The following RGPD3 variants were observed in gnomAD, a reference collection of about 807,000 sequenced individuals.
RGPD3 encodes RANBP2 like and GRIP domain containing 3, also known as ranBP2-like and GRIP domain-containing protein 3.
RGPD3 carries 62 observed loss-of-function variants against 154.5 expected under a neutral mutation model. The ratio of observed to expected loss-of-function variants is 0.40; its 90% CI spans 0.33 to 0.50. The LOEUF (loss-of-function observed/expected upper bound fraction) is 0.50. RGPD3 is among the 20% of genes least tolerant of loss of function. The probability of loss-of-function intolerance (pLI) is 0.59; values close to 1 mark genes in which losing one functional copy is unlikely to be tolerated. For synonymous variants in RGPD3, 308 were observed against 607.0 expected (o/e 0.51, Z 7.24); for missense variants, 919 against 1,716.8 (o/e 0.54, Z 8.21).
intron 22 of RGPD3, among the ~76,000 whole-genome samples, chr2:106,411,026 A>T (rs754788992): frequency 1.0e-4 from 15 of 150,502 alleles, no homozygotes; most frequent in South Asian, 2.1e-4. Flanking sequence ...ATTAAGCCTG[A>T]ATCTTATCAG....
Position 106,436,255 on chromosome 2 carries a change from T to C in RGPD3, c.1635-9A>G. 2 of 1,611,930 alleles carry C rather than the reference T, an allele frequency of 1.2e-6. No homozygotes were observed. The highest frequency in any genetic ancestry group is 1.3e-5 in the African/African-American group (1 of 74,956). ...TTGCTGAGTTTCCAGGTCTAAAAAA[T>C]AGTTCAATTTACTAAAATTGCTTTC... On this transcript the variant is annotated splice_polypyrimidine_tract_variant and intron_variant, in intron 11 of 22. Transcript: ENST00000409886.
intron 20 of RGPD3, among the ~76,000 whole-genome samples, chr2:106,420,637 T>C (rs1460276772): frequency 1.3e-5 from 2 of 152,290 alleles, no homozygotes; most frequent in Non-Finnish European, 2.9e-5. Flanking sequence ...TATCATTAAT[T>C]TTTATATTAA....
In RGPD3 at chr2:106,425,141, T is replaced by C. The variant is rs1677156349; in HGVS notation, c.2826A>G (p.Glu942=). The change falls in exon 20 of 23, where the codon GAA becomes GAG. Residue 942 remains glutamate, a synonymous_variant. Coordinates refer to ENST00000409886, the MANE Select transcript of RGPD3 (RefSeq NM_001144013.2). ...NQEKKSEKPL[E]NDTGLQAQDI... ...CCTGAGCCTGTAAGCCAGTATCATT[T>C]TCAAGAGGCTTTTCACTTTTCTTTT... 3 of 1,611,982 alleles carry C rather than the reference T, an allele frequency of 1.9e-6. No homozygotes were observed.
intron 22 of RGPD3, among the ~76,000 whole-genome samples, chr2:106,412,309 T>TG (rs1676697447): frequency 2.2e-5 from 2 of 90,176 alleles, no homozygotes; most frequent in Non-Finnish European, 4.5e-5. Flanking sequence ...TTTTTTTTTT[T>TG]TTTTTTTTTT....
At chr2:106,421,175 T>C (rs1189796503) in intron 20 of RGPD3, among the ~76,000 whole-genome samples, 10 of 152,146 alleles carry the variant, frequency 6.6e-5, no homozygotes, top group African/African-American at 2.4e-4. Flanking sequence ...ATAGCCTCTC[T>C]TGGCCTCAGT....
At chr2:106,448,378 G>C (rs62152513) in intron 6 of RGPD3, among the ~76,000 whole-genome samples, 1 of 150,016 alleles carries the variant, frequency 6.7e-6, no homozygotes, top group Admixed American at 6.7e-5. Flanking sequence ...CCAATGTGCC[G>C]GGATTACAGG....
upstream of RGPD3, chr2:106,470,689 A>G (rs10185203): frequency 6.5e-4 from 679 of 1,042,142 alleles, 2 homozygotes; most frequent in African/African-American, 8.7e-3. Flanking sequence ...GTTTGAAAAC[A>G]TTTATTCTGC....
intron 22 of RGPD3, among the ~76,000 whole-genome samples, chr2:106,409,928 T>C (rs892207166): frequency 6.9e-6 from 1 of 144,004 alleles, no homozygotes; most frequent in Non-Finnish European, 1.5e-5. Context: ...CAGGCTGGAG[T>C]GCAATGGCAC....
Position 106,436,184 on chromosome 2 carries a change from T to C in RGPD3, c.1697A>G (p.Gln566Arg), listed in dbSNP as rs1677545082. The change falls in exon 12 of 23, where the codon CAG becomes CGG. Residue 566 changes from glutamine (Q) to arginine (R), a missense_variant. Gln to Arg is a conservative substitution (Grantham distance 43). Transcript: ENST00000409886. ...VQHEINTLRAQEKHGLQPALL... is the reference protein window; with the variant it reads ...VQHEINTLRAREKHGLQPALL... ...AGCAGGTTGAAGGCCATGTTTTTCC[T>C]GGGCTCTTAGAGTGTTTATTTCATG... is the stretch of plus-strand genomic sequence containing the variant. 3 of 1,611,792 alleles carry C rather than the reference T, an allele frequency of 1.9e-6. No homozygotes were observed. Among genetic ancestry groups the C allele is most frequent in the Non-Finnish European group, 2.5e-6 (3 of 1,179,866 alleles).
Position 106,415,456 on chromosome 2 carries a change from T to A in RGPD3, c.5064+394A>T, listed in dbSNP as rs565099413. Among the ~76,000 whole-genome samples the A allele has an allele frequency of 5.9e-5, 9 of 152,150 alleles. No homozygotes were observed. The South Asian group carries it at 1.9e-3, about 32-fold the overall frequency. On this transcript the variant is annotated intron_variant, in intron 21 of 22. Coordinates refer to ENST00000409886, the MANE Select transcript of RGPD3 (RefSeq NM_001144013.2). ...ACTTTGGGAGGCCAAGGCAGGTGGA[T>A]CATGAGGTCAGGAGATCGAGACCAT...
chr2:106,418,472 C>T (rs1445546984), intron 20 of RGPD3, among the ~76,000 whole-genome samples: 1 of 152,070 alleles, frequency 6.6e-6, no homozygotes, highest in Non-Finnish European at 1.5e-5. Context: ...GCTGCTCACA[C>T]CTACAGTGCT....
At chr2:106,412,310 T>G (rs1404593611) in intron 22 of RGPD3, among the ~76,000 whole-genome samples, 2 of 93,090 alleles carry the variant, frequency 2.1e-5, no homozygotes, top group South Asian at 4.9e-4. Flanking sequence ...TTTTTTTTTT[T>G]TTTTTTTTTT....
chr2:106,438,401 T>G (rs1198611530), intron 9 of RGPD3, among the ~76,000 whole-genome samples: 18 of 150,040 alleles, frequency 1.2e-4, no homozygotes, highest in African/African-American at 3.9e-4. Context: ...GGCAAGAGAA[T>G]CCCTTGAGCC....
Position 106,424,021 on chromosome 2 carries a change from C to G in RGPD3, c.3946G>C (p.Val1316Leu), listed in dbSNP as rs756752769. The G allele has an allele frequency of 1.2e-6, 2 of 1,611,656 alleles. No homozygotes were observed. The highest frequency in any genetic ancestry group is 1.7e-6 in the Non-Finnish European group (2 of 1,179,854). Residue 1316 changes from valine to leucine, a missense_variant, in exon 20 of 23, where the codon GTT becomes CTT. Val to Leu is a conservative substitution (Grantham distance 32). Transcript: ENST00000409886. ...PAKLNQSGTS[V>L]GTDEESDVTQ... ...ACATCAGATTCTTCATCAGTGCCAA[C>G]TGAAGTCCCACTCTGATTCAACTTG... is the stretch of plus-strand genomic sequence containing the variant.
chr2:106,445,346 T>A (rs1677881943), intron 7 of RGPD3, among the ~76,000 whole-genome samples: 1 of 151,150 alleles, frequency 6.6e-6, no homozygotes, highest in Non-Finnish European at 1.5e-5. Flanking sequence ...AGAATTTCTA[T>A]AAGAACCTTT....
chr2:106,417,635 G>A (rs563423420), intron 20 of RGPD3, among the ~76,000 whole-genome samples: 30 of 150,196 alleles, frequency 2.0e-4, no homozygotes, highest in East Asian at 5.8e-4. Context: ...CTCCTTTCTC[G>A]AAGGTTCTTC....
chr2:106,443,367 T>C (rs1307262216), intron 7 of RGPD3, among the ~76,000 whole-genome samples: 2 of 152,182 alleles, frequency 1.3e-5, no homozygotes, highest in Non-Finnish European at 2.9e-5. Flanking sequence ...CATGTATATA[T>C]AATTCTTTCC....
rs1438038286 is a variant in RGPD3 at position 106,404,712 on chromosome 2, C to T, written c.*507G>A. On this transcript the variant is annotated 3_prime_UTR_variant, in exon 23 of 23. Coordinates refer to ENST00000409886, the MANE Select transcript of RGPD3 (RefSeq NM_001144013.2). ...ACAATCACAGCTCACTAGCCTCAAA[C>T]GATTCTCCAGCCTCAGCCTCCCCAA... is the stretch of plus-strand genomic sequence containing the variant. Among the ~76,000 whole-genome samples the T allele has an allele frequency of 7.6e-5, 7 of 92,010 alleles. No homozygotes were observed. Among genetic ancestry groups the T allele is most frequent in the Admixed American group, 3.5e-4 (3 of 8,528 alleles). The allele number at this position is 92,010 out of a possible 152,430, so 60.4% of individuals were successfully genotyped here.
intron 1 of RGPD3, 45 bp downstream of exon 1, chr2:106,468,172 C>G (rs1425597254): frequency 8.3e-6 from 13 of 1,564,848 alleles, no homozygotes; most frequent in African/African-American, 2.7e-5. Context: ...TCGAGGCCGC[C>G]GCCCGGCCAG....
Sources: gnomAD v4.1 joint callset for allele counts (sites outside exome capture counted in the v4.1 genomes callset) on GRCh38, gnomAD v4.1.1 for gene constraint, MANE v1.5 for transcripts, NCBI Gene and HGNC (gene_info 2026-07-23, HGNC 2026-07-21) for gene names.